TNS1: variants seen among roughly 807,000 people sequenced by gnomAD.
TNS1 encodes the protein tensin-1.
In TNS1, 62 loss-of-function variants were observed where a neutral mutation model predicts 168.6. That is an observed-to-expected ratio of 0.37 (90% CI 0.30 to 0.45). The LOEUF is 0.45. TNS1 is among the 20% of genes least tolerant of loss of function. The pLI is 1.00. For synonymous variants in TNS1, 934 were observed against 933.2 expected (o/e 1.00, Z -0.02); for missense variants, 2,240 against 2,339.4 (o/e 0.96, Z 0.88).
rs879730729 is a variant in TNS1, at chr2:218,031,350, AGTGT to A, written c.156+2466_156+2469del. Among the ~76,000 whole-genome samples the A allele has an allele frequency of 1.4e-3, 178 of 130,102 alleles. 1 individual carries two copies. The highest frequency in any genetic ancestry group is 1.8e-3 in the Non-Finnish European group (112 of 61,822). The allele number at this position is 130,102 out of a possible 152,430, so 85.4% of individuals were successfully genotyped here. ...GAGCATGTCTGTGTGTGAGTGTATG[AGTGT>A]GTGTTGTGTGTGAGCATGTCTGTGT... On this transcript the variant is annotated intron_variant, in intron 1 of 1. Transcript: ENST00000649572.
In TNS1 at chr2:217,847,973, G is replaced by A. The variant is rs150797591; in HGVS notation, c.2544C>T (p.Ser848=). The A allele has an allele frequency of 7.4e-4, 1,118 of 1,511,234 alleles. 7 individuals are homozygous for A. In the African/African-American group the frequency reaches 0.014, roughly 19 times the overall value. 93.6% of individuals were successfully genotyped at this position (1,511,234 alleles called of 1,614,324 possible). ...NMLMLDLEPA[S]AAAPLHKSQS... ...GGGACTTGTGTAGTGGGGCAGCAGC[G>A]GAGGCTGGCTCCAGGTCCAGCATCA... The change falls in exon 19 of 33, where the codon TCC becomes TCT. Residue 848 remains serine (S), a synonymous_variant. Transcript: ENST00000682258.
At chr2:217,934,625 C>A (rs1956505850) in intron 3 of TNS1, among the ~76,000 whole-genome samples, 2 of 152,220 alleles carry the variant, frequency 1.3e-5, no homozygotes, top group Non-Finnish European at 1.5e-5. Flanking sequence ...AAGCGTATCC[C>A]CACCTGAGTC....
At chr2:218,030,000 T>A (rs750405525) in intron 1 of TNS1, among the ~76,000 whole-genome samples, 1 of 152,114 alleles carries the variant, frequency 6.6e-6, no homozygotes, top group Non-Finnish European at 1.5e-5. Flanking sequence ...ATCCAAGCCA[T>A]CTCCATGTCC....
At chr2:218,015,383 G>C (rs1482267086), upstream of TNS1, among the ~76,000 whole-genome samples, 1 of 152,016 alleles carries the variant, frequency 6.6e-6, no homozygotes, top group East Asian at 1.9e-4. Context: ...GGGAAGAAAT[G>C]TTTCTCCTTT....
intron 3 of TNS1, among the ~76,000 whole-genome samples, chr2:217,936,264 C>A (rs899123361): frequency 4.6e-5 from 7 of 152,152 alleles, no homozygotes; most frequent in African/African-American, 1.7e-4. Context: ...AAAGGAGGCC[C>A]CCAAAGGATC....
chr2:217,828,534 T>A (rs1180559986), intron 22 of TNS1, among the ~76,000 whole-genome samples: 1 of 152,188 alleles, frequency 6.6e-6, no homozygotes, highest in Non-Finnish European at 1.5e-5. Context: ...GAGGGGGGGA[T>A]GCCAGTGCCC....
rs1237980603 is a variant in TNS1 at position 217,822,750 on chromosome 2, AC to A, written c.3374-813del. Among the ~76,000 whole-genome samples, 3 of 152,314 alleles carry A rather than the reference AC, an allele frequency of 2.0e-5. No homozygotes were observed. In the East Asian group the frequency reaches 5.8e-4, roughly 29 times the overall value. The stretch of plus-strand genomic sequence containing the variant: ...AGATAAGGATGGATGCTGAGGCCCG[AC>A]AAGGGAAATGACTAGGTCCCCAGAT... On this transcript the variant is annotated intron_variant, in intron 22 of 32. Coordinates refer to ENST00000682258, the MANE Select transcript of TNS1 (RefSeq NM_001387777.1).
At chr2:217,830,408 G>A in intron 22 of TNS1, 1 of 1,613,816 alleles carries the variant, frequency 6.2e-7, no homozygotes, top group Non-Finnish European at 8.5e-7. Flanking sequence ...AAAAAGTAAA[G>A]TTGACCCCAA....
At chr2:218,013,740 AG>A (rs1253168260), upstream of TNS1, among the ~76,000 whole-genome samples, 2 of 152,040 alleles carry the variant, frequency 1.3e-5, no homozygotes, top group Non-Finnish European at 2.9e-5. Context: ...CAGACTGGCA[AG>A]GGGGGCTATA....
chr2:217,998,274 ATCTCTCTC>A (rs140299202), intron 1 of TNS1, among the ~76,000 whole-genome samples: 1 of 143,562 alleles, frequency 7.0e-6, no homozygotes, highest in Non-Finnish European at 1.5e-5. Context: ...CTCCATCAGC[ATCTCTCTC>A]TCTCTCTCTC....
At chr2:217,863,574 A>G (rs760053274) in intron 18 of TNS1, among the ~76,000 whole-genome samples, 16 of 152,110 alleles carry the variant, frequency 1.1e-4, no homozygotes, top group Non-Finnish European at 1.6e-4. Flanking sequence ...CGATCTCCGA[A>G]CTAAGACTCA....
intron 22 of TNS1, among the ~76,000 whole-genome samples, chr2:217,824,015 A>G (rs1283220073): frequency 6.6e-6 from 1 of 152,256 alleles, no homozygotes; most frequent in African/African-American, 2.4e-5. Context: ...GACCAGGCCC[A>G]GTACACTTTT....
At chr2:218,005,534 G>A (rs183675540), upstream of TNS1, among the ~76,000 whole-genome samples, 5 of 152,304 alleles carry the variant, frequency 3.3e-5, no homozygotes, top group South Asian at 2.1e-4. Context: ...AAACTCTGCC[G>A]ACTGAGGTGT....
chr2:217,880,163 C>T lies in TNS1; in HGVS notation c.1429+735G>A, dbSNP rs890049. 0.4 allele frequency among the ~76,000 whole-genome samples: 60,889 copies of T among 152,052 alleles called. 12,500 individuals carry two copies. Among genetic ancestry groups the T allele is most frequent in the Non-Finnish European group, 0.44 (30,043 of 67,978 alleles). On this transcript the variant is annotated intron_variant, in intron 18 of 32. Coordinates refer to ENST00000682258, the MANE Select transcript of TNS1 (RefSeq NM_001387777.1). The surrounding 1 kb of genome is among the most constrained non-coding windows in gnomAD (Gnocchi z 4.2). ...TCTGGGCATGCTCACTTTCGGAGCC[C>T]GCCCCACGTCTCCTTACACATATGC...
At chr2:217,902,197 G>T (rs755577058) in intron 6 of TNS1, among the ~76,000 whole-genome samples, 20 of 152,158 alleles carry the variant, frequency 1.3e-4, no homozygotes, top group Non-Finnish European at 2.5e-4. Context: ...AAACCCAACA[G>T]TTCACCCATC....
chr2:217,919,018 C>T (rs1473861947), intron 4 of TNS1, among the ~76,000 whole-genome samples: 2 of 152,050 alleles, frequency 1.3e-5, no homozygotes, highest in South Asian at 2.1e-4. Context: ...TGAGCCCGAG[C>T]GTGCAGAGCA....
At chr2:217,840,921 G>A (rs1945860553) in intron 19 of TNS1, among the ~76,000 whole-genome samples, 1 of 118,064 alleles carries the variant, frequency 8.5e-6, no homozygotes, top group Non-Finnish European at 1.7e-5. Context: ...AGTGAGCTCT[G>A]GCTCATGCAG....
intron 3 of TNS1, among the ~76,000 whole-genome samples, chr2:217,933,922 C>T (rs4672862): frequency 0.4 from 60,209 of 152,050 alleles, 16,161 homozygotes; most frequent in African/African-American, 0.77. Context: ...ATTTTAGGGA[C>T]AGAGGTGGTG....
intron 18 of TNS1, among the ~76,000 whole-genome samples, chr2:217,866,428 G>A (rs913163965): frequency 1.3e-5 from 2 of 152,174 alleles, no homozygotes; most frequent in African/African-American, 4.8e-5. Context: ...GGACCTGCCC[G>A]GGTGGCTTCA....
Sources: gnomAD v4.1 joint callset for allele counts (sites outside exome capture counted in the v4.1 genomes callset) on GRCh38, gnomAD v4.1.1 for gene constraint, Gnocchi (gnomAD v3.1) non-coding constraint, MANE v1.5 for transcripts, NCBI Gene and HGNC (gene_info 2026-07-23, HGNC 2026-07-21) for gene names.